C6: variants seen among roughly 807,000 people sequenced by gnomAD.
C6 encodes complement component C6.
Under a neutral mutation model 112.9 loss-of-function variants are expected in C6, and 101 were observed. The observed-to-expected ratio is 0.89, with a 90% confidence interval of 0.76 to 1.06. The LOEUF (loss-of-function observed/expected upper bound fraction) is 1.06, where lower values mean the gene tolerates loss of function less well. C6 is among the 50% of genes least tolerant of loss of function. C6 has a pLI of 0.00. For missense variants in C6, 1,202 were observed against 1,104.6 expected (o/e 1.09, Z -1.25); for synonymous variants, 431 against 384.1 (o/e 1.12, Z -1.43).
chr5:41,172,095 A>G, intron 9 of C6, 130 bp downstream of exon 9: 1 of 958,494 alleles, frequency 1.0e-6, no homozygotes, highest in Non-Finnish European at 1.7e-6. Context: ...ATTCCAACAC[A>G]CAGGGTTCTG....
intron 9 of C6, among the ~76,000 whole-genome samples, chr5:41,169,185 G>A (rs762972747): frequency 1.6e-4 from 25 of 152,046 alleles, no homozygotes; most frequent in Non-Finnish European, 3.5e-4. Context: ...TATCAGATGA[G>A]GCTAGCCAAG....
At chr5:41,153,336 C>A (rs913571404) in intron 15 of C6, among the ~76,000 whole-genome samples, 2 of 152,194 alleles carry the variant, frequency 1.3e-5, no homozygotes, top group African/African-American at 4.8e-5. Context: ...CACGTGTGTG[C>A]ACATGCATGC....
Position 41,176,530 on chromosome 5 carries a change from C to T in C6, c.1113G>A (p.Leu371=), listed in dbSNP as rs768969991. Residue 371 remains leucine (L), a synonymous_variant, in exon 8 of 18, where the codon CTG becomes CTA. Coordinates refer to ENST00000337836, the MANE Select transcript of C6 (RefSeq NM_000065.5). ...FGTHYFTSGS[L]GGVYDLLYQF... is the part of the protein sequence containing the mutation. ...GATAGAGAAGGTCATACACGCCTCCCAGGGAGCCAGAGGTGAAGTAATGAG... is the reference window on the plus strand; with the variant it reads ...GATAGAGAAGGTCATACACGCCTCCTAGGGAGCCAGAGGTGAAGTAATGAG... The T allele has an allele frequency of 1.2e-6, 2 of 1,613,788 alleles. No homozygotes were observed. The highest frequency in any genetic ancestry group is 2.2e-5 in the South Asian group (2 of 91,064).
chr5:41,144,547 G>A (rs186244755), intron 17 of C6, among the ~76,000 whole-genome samples: 14 of 152,270 alleles, frequency 9.2e-5, no homozygotes, highest in African/African-American at 2.2e-4. Context: ...GATTACAGGC[G>A]TGGACCACAA....
intron 1 of C6, among the ~76,000 whole-genome samples, chr5:41,221,416 C>A (rs1454561878): frequency 1.3e-5 from 2 of 152,134 alleles, no homozygotes; most frequent in Admixed American, 1.3e-4. Flanking sequence ...CTATCTGATG[C>A]AATCACATTC....
rs374387843 is a variant in C6, at chr5:41,161,690, T to C, written c.1458+3A>G. 5.0e-6 allele frequency: 8 copies of C among 1,612,526 alleles called. No individual in the cohort carries two copies. Among genetic ancestry groups the C allele is most frequent in the Non-Finnish European group, 6.8e-6 (8 of 1,178,788 alleles). On this transcript the variant is annotated splice_donor_region_variant and intron_variant, in intron 10 of 17. Coordinates refer to ENST00000337836, the MANE Select transcript of C6 (RefSeq NM_000065.5). Reference sequence around the variant, plus strand: ...TCTTACCTGGAATAATTTTTACTCTTACCTCAAAGTCAATCACAGCAGGAT... The same window carrying C: ...TCTTACCTGGAATAATTTTTACTCTCACCTCAAAGTCAATCACAGCAGGAT...
At chr5:41,240,500 A>C (rs1351981370) in intron 1 of C6, among the ~76,000 whole-genome samples, 1 of 152,174 alleles carries the variant, frequency 6.6e-6, no homozygotes, top group Admixed American at 6.5e-5. Flanking sequence ...GCTTTCAGGC[A>C]GCATTCTCTG....
At chr5:41,176,757 A>G (rs747510597) in intron 7 of C6, 42 bp from the exon 8 acceptor site, 1 of 1,570,848 alleles carries the variant, frequency 6.4e-7, no homozygotes, top group South Asian at 1.1e-5. Context: ...AAAGGTAATG[A>G]AAGTTTGAAG....
Position 41,181,458 on chromosome 5 carries a change from C to T in C6, c.828G>A (p.Gly276=). 6.2e-7 allele frequency: 1 copy of T among 1,610,514 alleles called. No homozygotes were observed. The highest frequency in any genetic ancestry group is 8.5e-7 in the Non-Finnish European group (1 of 1,177,054). The part of the protein sequence containing the change: ...NQQGSFSSQG[G]SSFSVPIFYS... ...AAAAAATTGGTACACTGAAAGAGCT[C>T]CCCCCCTGACTTGAGAATGAGCCTT... The change falls in exon 7 of 18, where the codon GGG becomes GGA. Residue 276 remains glycine (G), a synonymous_variant. Coordinates refer to ENST00000337836, the MANE Select transcript of C6 (RefSeq NM_000065.5).
At chr5:41,143,051 T>C (rs1745496702) in intron 17 of C6, 45 bp from the exon 18 acceptor site, 1 of 1,574,490 alleles carries the variant, frequency 6.4e-7, no homozygotes, top group Non-Finnish European at 8.7e-7. Context: ...CACAGTACAT[T>C]AGGGTTTGGC....
intron 3 of C6, among the ~76,000 whole-genome samples, chr5:41,200,882 GTTGTTGTTGTTTTT>G (rs1446174567): frequency 2.7e-5 from 2 of 73,640 alleles, no homozygotes; most frequent in Non-Finnish European, 4.8e-5. Flanking sequence ...TGTTGTTGTT[GTTGTTGTTGTTTTT>G]TTTTTTTTTT....
chr5:41,233,686 AT>A (rs1285268406), intron 1 of C6, among the ~76,000 whole-genome samples: 2 of 151,464 alleles, frequency 1.3e-5, no homozygotes, highest in African/African-American at 4.8e-5. Context: ...GAACAAAAAA[AT>A]AATTGTAGTT....
At chr5:41,209,504 A>G (rs1258111473) in intron 1 of C6, among the ~76,000 whole-genome samples, 1 of 152,228 alleles carries the variant, frequency 6.6e-6, no homozygotes, top group Non-Finnish European at 1.5e-5. Context: ...CCTTAAGCTG[A>G]TAAGCAACTT....
chr5:41,204,659 C>CTTTTTTTTTTTTTTTTTTTTTTT (rs56809256), intron 1 of C6, among the ~76,000 whole-genome samples: 1 of 133,330 alleles, frequency 7.5e-6, no homozygotes. Flanking sequence ...AATCAGTAAG[C>CTTTTTTTTTTTTTTTTTTTTTTT]TTTTTTTTTT....
At chr5:41,230,052 T>C (rs113435552) in intron 1 of C6, among the ~76,000 whole-genome samples, 3,858 of 152,302 alleles carry the variant, frequency 0.025, 161 homozygotes, top group African/African-American at 0.088. Context: ...ATCACTTCCC[T>C]AATAATACTC....
At position 41,182,963 on chromosome 5, in the gene C6, T is replaced by C. The variant is rs191554455; in HGVS notation, c.727-1404A>G. Among the ~76,000 whole-genome samples, 7 of 152,364 alleles carry C rather than the reference T, an allele frequency of 4.6e-5. No individual in the cohort carries two copies. The East Asian group carries it at 1.4e-3, about 29-fold the overall frequency. On this transcript the variant is annotated intron_variant, in intron 6 of 17. Transcript: ENST00000337836. ...AGAATTTTCAGGCTGTATTTCCTCATGTAACTTGTTATCCAGGCTTGTGTT... is the reference window on the plus strand; with the variant it reads ...AGAATTTTCAGGCTGTATTTCCTCACGTAACTTGTTATCCAGGCTTGTGTT...
At chr5:41,155,245 C>T in intron 13 of C6, 141 bp from the exon 14 acceptor site, 1 of 749,734 alleles carries the variant, frequency 1.3e-6, no homozygotes, top group Non-Finnish European at 2.2e-6. Flanking sequence ...TTCTAAAAAC[C>T]TGTTAAAGTT....
At chr5:41,230,882 T>C (rs1375913844) in intron 1 of C6, among the ~76,000 whole-genome samples, 1 of 152,160 alleles carries the variant, frequency 6.6e-6, no homozygotes, top group Non-Finnish European at 1.5e-5. Context: ...AGAACCTACA[T>C]TGAAATATTG....
At chr5:41,177,410 G>GT in intron 7 of C6, among the ~76,000 whole-genome samples, 1 of 152,012 alleles carries the variant, frequency 6.6e-6, no homozygotes, top group East Asian at 1.9e-4. Context: ...AGAATTAGCT[G>GT]GTCAATATTA....
Sources: allele counts gnomAD v4.1 joint callset (sites outside exome capture counted in the v4.1 genomes callset), GRCh38; gene constraint gnomAD v4.1.1; transcripts MANE v1.5; gene names NCBI Gene and HGNC (gene_info 2026-07-23, HGNC 2026-07-21).